Variants in PPP3CA observed in about 807,000 individuals in gnomAD.
The protein encoded by PPP3CA is CAM-PRP catalytic subunit.
In PPP3CA, 14 loss-of-function variants were observed where a neutral mutation model predicts 66.5. The observed-to-expected ratio is 0.21, with a 90% CI of 0.14 to 0.33. The LOEUF (loss-of-function observed/expected upper bound fraction) is 0.33, where lower values mean the gene tolerates loss of function less well. Among genes scored for constraint, PPP3CA ranks in the 10% least tolerant of loss-of-function variants. The pLI is 1.00. For synonymous variants in PPP3CA, 232 were observed against 226.2 expected (o/e 1.03, Z -0.23); for missense variants, 317 against 639.5 (o/e 0.50, Z 5.44).
intron 1 of PPP3CA, among the ~76,000 whole-genome samples, chr4:101,300,902 A>G (rs575476580): frequency 1.3e-5 from 2 of 152,322 alleles, no homozygotes; most frequent in East Asian, 3.9e-4. Context: ...TCCATACAAA[A>G]AAAATCACTG....
chr4:101,109,012 G>A lies in PPP3CA; in HGVS notation c.326C>T (p.Ala109Val), dbSNP rs1312316615. ...CCCTAAGAAGAGGTAGCGAGTGTTG[G>A]CAGGAGATCCCCCGACTTCAAAGAG... Reference protein sequence around the residue: ...MKLFEVGGSPANTRYLFLGDY... With the variant: ...MKLFEVGGSPVNTRYLFLGDY... Residue 109 changes from alanine to valine, a missense_variant, in exon 3 of 14, where the codon GCC (alanine) becomes GTC (valine). Coordinates refer to ENST00000394854, the MANE Select transcript of PPP3CA (RefSeq NM_000944.5). The A allele has an allele frequency of 6.2e-7, 1 of 1,613,438 alleles. No individual in the cohort carries two copies. The highest frequency in any genetic ancestry group is 8.5e-7 in the Non-Finnish European group (1 of 1,179,538).
At chr4:101,162,284 G>A (rs1723539834) in intron 2 of PPP3CA, among the ~76,000 whole-genome samples, 1 of 151,402 alleles carries the variant, frequency 6.6e-6, no homozygotes, top group African/African-American at 2.4e-5. Context: ...TGTAATCCCA[G>A]CACTTTGGGA....
chr4:101,069,287 GAATT>G (rs1269456313), intron 8 of PPP3CA, among the ~76,000 whole-genome samples: 1 of 152,034 alleles, frequency 6.6e-6, no homozygotes, highest in African/African-American at 2.4e-5. Flanking sequence ...GAAGCTATGA[GAATT>G]ATTTTGTGTG....
At chr4:101,262,213 C>T (rs535470505) in intron 1 of PPP3CA, among the ~76,000 whole-genome samples, 2 of 152,080 alleles carry the variant, frequency 1.3e-5, no homozygotes, top group South Asian at 4.1e-4. Context: ...CAGTCAAAGG[C>T]AGTGTTATCT....
chr4:101,095,867 G>A (rs1730174172), intron 5 of PPP3CA, among the ~76,000 whole-genome samples: 2 of 152,074 alleles, frequency 1.3e-5, no homozygotes, highest in South Asian at 4.1e-4. Context: ...GGTCAAGCCG[G>A]TCTCGAACTC....
chr4:101,207,829 A>C (rs2110201948), intron 1 of PPP3CA, among the ~76,000 whole-genome samples: 1 of 136,172 alleles, frequency 7.3e-6, no homozygotes, highest in East Asian at 2.1e-4. Context: ...CGTCTAAACA[A>C]AAAAGAAAAA....
At chr4:101,186,051 C>A (rs997450566) in intron 2 of PPP3CA, among the ~76,000 whole-genome samples, 1 of 152,110 alleles carries the variant, frequency 6.6e-6, no homozygotes, top group Non-Finnish European at 1.5e-5. Flanking sequence ...TGAGGCCAAT[C>A]AATATTATAT....
intron 1 of PPP3CA, among the ~76,000 whole-genome samples, chr4:101,265,842 G>C (rs1160320598): frequency 2.0e-5 from 3 of 152,104 alleles, no homozygotes; most frequent in African/African-American, 4.8e-5. Flanking sequence ...AGTAGAGAAA[G>C]ACCTGGTCAT....
At chr4:101,338,207 C>T (rs934003249) in intron 1 of PPP3CA, among the ~76,000 whole-genome samples, 4 of 152,154 alleles carry the variant, frequency 2.6e-5, no homozygotes, top group African/African-American at 9.7e-5. Flanking sequence ...CAAGCACTCC[C>T]TATGGGAAGG....
At position 101,065,683 on chromosome 4, in the gene PPP3CA, C is replaced by A. The variant is rs563112881; in HGVS notation, c.956-2326G>T. The stretch of plus-strand genomic sequence containing the variant: ...TTCCCTTTCTTTCATTCCCTGCTGT[C>A]TCTCATAAATTATAAATGTTTGAAT... On this transcript the variant is annotated intron_variant, in intron 8 of 13. Coordinates refer to ENST00000394854, the MANE Select transcript of PPP3CA (RefSeq NM_000944.5). Among the ~76,000 whole-genome samples, 6 of 152,212 alleles carry A rather than the reference C, an allele frequency of 3.9e-5. No homozygotes were observed. In the East Asian group the frequency reaches 1.2e-3, roughly 29 times the overall value.
At position 101,024,494 on chromosome 4, in the gene PPP3CA, T is replaced by C. The variant is rs143950372; in HGVS notation, c.*1371A>G. The C allele has an allele frequency of 2.9e-3, 445 of 152,764 alleles. 1 individual carries two copies. The highest frequency in any genetic ancestry group is 8.4e-3 in the African/African-American group (350 of 41,570). 9.5% of individuals were successfully genotyped at this position (152,764 alleles called of 1,614,324 possible). Reference sequence around the variant, plus strand: ...TTATACAATTGTTAAAAAATATGAATGGACTTTTGTTGTTGTTGTTTTCAG... The same window carrying C: ...TTATACAATTGTTAAAAAATATGAACGGACTTTTGTTGTTGTTGTTTTCAG... On this transcript the variant is annotated 3_prime_UTR_variant, in exon 14 of 14. Coordinates refer to ENST00000394854, the MANE Select transcript of PPP3CA (RefSeq NM_000944.5).
chr4:101,336,388 T>G (rs1028469965), intron 1 of PPP3CA, among the ~76,000 whole-genome samples: 1 of 150,064 alleles, frequency 6.7e-6, no homozygotes, highest in Non-Finnish European at 1.5e-5. Flanking sequence ...TTGACCAACA[T>G]AGTGAAACCC....
intron 2 of PPP3CA, among the ~76,000 whole-genome samples, chr4:101,157,734 T>A (rs952741476): frequency 2.6e-5 from 4 of 152,140 alleles, no homozygotes; most frequent in African/African-American, 7.2e-5. Flanking sequence ...CAATGCTTTT[T>A]TTCTTCTGCT....
At chr4:101,144,007 A>G (rs1722888345) in intron 2 of PPP3CA, among the ~76,000 whole-genome samples, 2 of 152,098 alleles carry the variant, frequency 1.3e-5, no homozygotes, top group African/African-American at 4.8e-5. Flanking sequence ...ATCATTCTAG[A>G]TTTCTCTTTC....
At chr4:101,256,147 A>C (rs1726834116) in intron 1 of PPP3CA, among the ~76,000 whole-genome samples, 1 of 151,958 alleles carries the variant, frequency 6.6e-6, no homozygotes, top group Non-Finnish European at 1.5e-5. Context: ...AAAACGTAAC[A>C]AAGGTACATA....
intron 1 of PPP3CA, among the ~76,000 whole-genome samples, chr4:101,262,164 G>A (rs1314021913): frequency 6.6e-6 from 1 of 151,722 alleles, no homozygotes; most frequent in Non-Finnish European, 1.5e-5. Flanking sequence ...TATCCACCAA[G>A]TCCCCCCTCA....
intron 8 of PPP3CA, among the ~76,000 whole-genome samples, chr4:101,065,571 A>G (rs1728645677): frequency 6.6e-6 from 1 of 152,130 alleles, no homozygotes; most frequent in African/African-American, 2.4e-5. Flanking sequence ...TGGTTGAGAA[A>G]TGGAGAAACT....
intron 2 of PPP3CA, among the ~76,000 whole-genome samples, chr4:101,167,701 C>T (rs906630392): frequency 3.3e-5 from 5 of 152,084 alleles, no homozygotes; most frequent in Admixed American, 2.0e-4. Context: ...TGGTCAGAGA[C>T]GGTCTCCCTT....
intron 6 of PPP3CA, among the ~76,000 whole-genome samples, chr4:101,087,267 C>T (rs1729713002): frequency 6.6e-6 from 1 of 152,170 alleles, no homozygotes; most frequent in Admixed American, 6.5e-5. Flanking sequence ...GCCAACTCTT[C>T]CTGACAGAAC....
Sources: allele counts gnomAD v4.1 joint callset (sites outside exome capture counted in the v4.1 genomes callset), GRCh38; gene constraint gnomAD v4.1.1; transcripts MANE v1.5; gene names NCBI Gene and HGNC (gene_info 2026-07-23, HGNC 2026-07-21).